Variants in HDAC9 observed in about 807,000 individuals in gnomAD.
HDAC9 encodes the protein MEF-2 interacting transcription repressor (MITR) protein.
In HDAC9, 41 loss-of-function variants were observed where a neutral mutation model predicts 139.4. The observed-to-expected ratio is 0.29, with a 90% CI of 0.23 to 0.38. The LOEUF is 0.38. Ranked by LOEUF, HDAC9 falls within the 10% of genes least tolerant of loss-of-function variation. HDAC9 has a pLI of 1.00. For synonymous variants in HDAC9, 517 were observed against 476.2 expected, an observed-to-expected ratio of 1.09 and a Z score of -1.12; for missense variants, 1,147 against 1,297.0, an observed-to-expected ratio of 0.88 and a Z score of 1.78.
chr7:18,121,066 C>T (rs1437520822), intron 1 of HDAC9, among the ~76,000 whole-genome samples: 1 of 152,160 alleles, frequency 6.6e-6, no homozygotes, highest in African/African-American at 2.4e-5. Context: ...ACTTACATCT[C>T]TGGTCACTGA....
intron 22 of HDAC9, among the ~76,000 whole-genome samples, chr7:18,902,916 A>T (rs890707371): frequency 1.3e-5 from 2 of 152,224 alleles, no homozygotes; most frequent in Admixed American, 1.3e-4. Context: ...GAGTATAATC[A>T]TCTATAGTAA....
At chr7:18,712,660 A>G (rs1169043484) in intron 12 of HDAC9, among the ~76,000 whole-genome samples, 1 of 152,222 alleles carries the variant, frequency 6.6e-6, no homozygotes, top group African/African-American at 2.4e-5. Context: ...TTGCAGGTTC[A>G]TTGACATGTT....
At chr7:18,860,321 C>T (rs1239686697) in intron 21 of HDAC9, among the ~76,000 whole-genome samples, 1 of 152,036 alleles carries the variant, frequency 6.6e-6, no homozygotes, top group African/African-American at 2.4e-5. Context: ...AAATAATTCT[C>T]TGCTATGTAA....
rs1465607729 is a variant in HDAC9, at chr7:18,581,192, A to T, written c.23-4089A>T. On this transcript the variant is annotated intron_variant, in intron 2 of 25. Transcript: ENST00000686413. ...GCTCTCCTCTCTGCAAGCACTATTG[A>T]TTTCTTGTATAAACGCTGCTATATT... Among the ~76,000 whole-genome samples, 12 of 152,074 alleles carry T rather than the reference A, an allele frequency of 7.9e-5. 1 individual carries two copies. Among genetic ancestry groups the T allele is most frequent in the Admixed American group, 6.6e-4 (10 of 15,260 alleles).
chr7:18,632,250 G>T (rs949218861), intron 7 of HDAC9, among the ~76,000 whole-genome samples: 6 of 151,814 alleles, frequency 4.0e-5, no homozygotes, highest in African/African-American at 1.5e-4. Flanking sequence ...AGACAGAAAG[G>T]CAGTGAGCAA....
intron 1 of HDAC9, among the ~76,000 whole-genome samples, chr7:18,370,493 CTTAAT>C (rs1330337833): frequency 3.3e-5 from 5 of 152,116 alleles, no homozygotes; most frequent in African/African-American, 4.8e-5. Flanking sequence ...AAACTTCACT[CTTAAT>C]TTAATTCTCT....
At chr7:18,932,850 A>AAGAAAGAAAGAAAGAAAG (rs1804886186) in intron 22 of HDAC9, among the ~76,000 whole-genome samples, 1 of 121,986 alleles carries the variant, frequency 8.2e-6, no homozygotes, top group Non-Finnish European at 1.7e-5. Context: ...GAAGGAAAAA[A>AAGAAAGAAAGAAAGAAAG]AGAAAGAAAG....
At chr7:18,114,439 T>C (rs1416529854) in intron 1 of HDAC9, among the ~76,000 whole-genome samples, 1 of 152,340 alleles carries the variant, frequency 6.6e-6, no homozygotes, top group South Asian at 2.1e-4. Context: ...GGGGATGATC[T>C]CAAGTCCTGT....
intron 25 of HDAC9, among the ~76,000 whole-genome samples, chr7:18,977,915 G>C (rs1316486923): frequency 1.9e-5 from 2 of 103,122 alleles, no homozygotes; most frequent in African/African-American, 7.0e-5. Flanking sequence ...GAGACAGACA[G>C]ACAGACACAC....
At chr7:18,174,057 C>T (rs1487618604) in intron 2 of HDAC9, among the ~76,000 whole-genome samples, 4 of 152,188 alleles carry the variant, frequency 2.6e-5, no homozygotes, top group South Asian at 4.1e-4. Context: ...AACTCATTTC[C>T]ATTCTCCCCA....
In HDAC9 at chr7:18,826,008, C is replaced by G. The variant is rs149834540; in HGVS notation, c.2323-3153C>G. On this transcript the variant is annotated intron_variant, in intron 17 of 25. Coordinates refer to ENST00000686413, the MANE Select transcript of HDAC9 (RefSeq NM_178425.4). ...ATTATACAAATGTAACATGTTAGTG[C>G]GAAAAGTTTTATAAGGGATGGTAGA... is the stretch of plus-strand genomic sequence containing the variant. 8.5e-3 allele frequency among the ~76,000 whole-genome samples: 1,288 copies of G among 151,678 alleles called. 8 individuals are homozygous for G. Among genetic ancestry groups the G allele is most frequent in the Admixed American group, 0.024 (362 of 15,220 alleles).
At position 18,971,261 on chromosome 7, in the gene HDAC9, T is replaced by C. The variant is rs1370406173; in HGVS notation, c.3023-4545T>C. Among the ~76,000 whole-genome samples the C allele has an allele frequency of 2.0e-5, 3 of 152,272 alleles. No homozygotes were observed. The East Asian group carries it at 5.8e-4, about 29-fold the overall frequency. On this transcript the variant is annotated intron_variant, in intron 24 of 25. Coordinates refer to ENST00000686413, the MANE Select transcript of HDAC9 (RefSeq NM_178425.4). ...GTCCTGAAAAGTGGGACAATTTACA[T>C]AGTGGGAAAAATGAATAAGGATAGA...
At chr7:18,813,018 T>C (rs1334553068) in intron 17 of HDAC9, among the ~76,000 whole-genome samples, 1 of 152,116 alleles carries the variant, frequency 6.6e-6, no homozygotes, top group Non-Finnish European at 1.5e-5. Context: ...TCCAGTTCTC[T>C]TTTGAAATTG....
rs1018602706 is a variant in HDAC9, at chr7:19,001,480, A to G, written c.*5418A>G. Reference sequence around the variant, plus strand: ...TGGAGTTGGCATTTTGTGACAATTCATAGAGATCTTGCAGCAATATTTGGC... The same window carrying G: ...TGGAGTTGGCATTTTGTGACAATTCGTAGAGATCTTGCAGCAATATTTGGC... On this transcript the variant is annotated 3_prime_UTR_variant, in exon 26 of 26. Transcript: ENST00000686413. The G allele has an allele frequency of 6.6e-6, 1 of 151,910 alleles. No homozygotes were observed. Among genetic ancestry groups the G allele is most frequent in the Admixed American group, 6.6e-5 (1 of 15,242 alleles). The allele number at this position is 151,910 out of a possible 1,614,324, so 9.4% of individuals were successfully genotyped here.
chr7:18,288,765 C>T (rs1797615687), upstream of HDAC9, among the ~76,000 whole-genome samples: 1 of 151,916 alleles, frequency 6.6e-6, no homozygotes, highest in Admixed American at 6.6e-5. Context: ...CCTAAAGAGG[C>T]TTACAGGCTT....
At chr7:18,580,265 A>G (rs1563358638) in intron 2 of HDAC9, among the ~76,000 whole-genome samples, 2 of 152,216 alleles carry the variant, frequency 1.3e-5, no homozygotes, top group Admixed American at 6.5e-5. Flanking sequence ...TTCATTTACA[A>G]GTTCACTAAA....
At chr7:18,310,132 C>T (rs1019779923) in intron 1 of HDAC9, among the ~76,000 whole-genome samples, 4 of 135,408 alleles carry the variant, frequency 3.0e-5, no homozygotes, top group African/African-American at 1.1e-4. Flanking sequence ...ATCCCAAGGC[C>T]TGCCAGATTG....
At chr7:18,958,237 T>G (rs565893197) in intron 24 of HDAC9, among the ~76,000 whole-genome samples, 1 of 152,324 alleles carries the variant, frequency 6.6e-6, no homozygotes, top group East Asian at 1.9e-4. Context: ...TGGTTCCATC[T>G]TAACATGATA....
chr7:18,590,614 A>G, intron 4 of HDAC9, 128 bp downstream of exon 4: 1 of 944,402 alleles, frequency 1.1e-6, no homozygotes, highest in South Asian at 2.1e-5. Flanking sequence ...AAAAGCATAG[A>G]TTACAGACCC....
Sources: allele counts gnomAD v4.1 joint callset (sites outside exome capture counted in the v4.1 genomes callset), GRCh38; gene constraint gnomAD v4.1.1; transcripts MANE v1.5; gene names NCBI Gene and HGNC (gene_info 2026-07-23, HGNC 2026-07-21).